SND1: variants seen among roughly 807,000 people sequenced by gnomAD.
The protein encoded by SND1 is staphylococcal nuclease domain-containing protein 1.
SND1 carries 38 observed loss-of-function variants against 121.7 expected under a neutral mutation model. The observed-to-expected ratio is 0.31, with a 90% CI of 0.24 to 0.41. The LOEUF is 0.41. SND1 is among the 10% of genes least tolerant of loss of function. The pLI, the probability that SND1 is intolerant of heterozygous loss-of-function variation, is 1.00. For synonymous variants in SND1, 401 were observed against 447.4 expected (o/e 0.90, Z 1.31); for missense variants, 868 against 1,184.6 (o/e 0.73, Z 3.92).
At chr7:128,084,267 G>A (rs753039594) in intron 18 of SND1, among the ~76,000 whole-genome samples, 13 of 152,236 alleles carry the variant, frequency 8.5e-5, no homozygotes, top group African/African-American at 2.9e-4. Flanking sequence ...GTAGACAGTG[G>A]CTTCTGTCAG....
At chr7:128,053,506 T>A (rs78944693) in intron 16 of SND1, among the ~76,000 whole-genome samples, 12,897 of 152,054 alleles carry the variant, frequency 0.085, 955 homozygotes, top group African/African-American at 0.2. Flanking sequence ...CGGAAGGTAA[T>A]ATTTTCCCCC....
intron 1 of SND1, among the ~76,000 whole-genome samples, chr7:127,677,837 A>C (rs1795642356): frequency 6.6e-6 from 1 of 152,260 alleles, no homozygotes; most frequent in Non-Finnish European, 1.5e-5. Flanking sequence ...AACAGGCAGT[A>C]GGCTGGATTT....
At chr7:127,833,885 C>G (rs1349200879) in intron 11 of SND1, among the ~76,000 whole-genome samples, 1 of 152,170 alleles carries the variant, frequency 6.6e-6, no homozygotes, top group Non-Finnish European at 1.5e-5. Context: ...CCCTGTCAAC[C>G]ATGTTCCTAT....
chr7:127,898,890 G>A (rs1185555006), intron 13 of SND1, among the ~76,000 whole-genome samples: 1 of 152,118 alleles, frequency 6.6e-6, no homozygotes, highest in Non-Finnish European at 1.5e-5. Context: ...TCAGAGGCCA[G>A]TCTTTAGCTG....
chr7:127,796,166 T>G (rs142917603), intron 10 of SND1, among the ~76,000 whole-genome samples: 1 of 152,030 alleles, frequency 6.6e-6, no homozygotes, highest in Non-Finnish European at 1.5e-5. Flanking sequence ...TTATCTAGTA[T>G]AGTATAAAAT....
intron 12 of SND1, among the ~76,000 whole-genome samples, chr7:127,855,884 A>G (rs1034593573): frequency 1.3e-5 from 2 of 152,240 alleles, no homozygotes; most frequent in African/African-American, 2.4e-5. Flanking sequence ...GGATGAATTT[A>G]GTAAGTAGTA....
intron 1 of SND1, among the ~76,000 whole-genome samples, chr7:127,677,515 C>T (rs1795636683): frequency 6.6e-6 from 1 of 152,182 alleles, no homozygotes; most frequent in South Asian, 2.1e-4. Flanking sequence ...AACTAGTTTT[C>T]ATCTCACTCG....
intron 12 of SND1, among the ~76,000 whole-genome samples, chr7:127,875,747 G>T (rs902592730): frequency 5.3e-5 from 8 of 152,120 alleles, no homozygotes; most frequent in African/African-American, 1.9e-4. Context: ...GTTCCATGGT[G>T]GACATCCTGT....
intron 16 of SND1, among the ~76,000 whole-genome samples, chr7:128,008,701 T>TG (rs1002260255): frequency 3.9e-5 from 6 of 152,184 alleles, no homozygotes; most frequent in Non-Finnish European, 8.8e-5. Flanking sequence ...ATGAGGCTGA[T>TG]GCAGGACTCA....
chr7:127,768,957 C>T lies in SND1; in HGVS notation c.1153-38527C>T, dbSNP rs138903611. On this transcript the variant is annotated intron_variant, in intron 10 of 23. Transcript: ENST00000354725. Reference sequence around the variant, plus strand: ...CATCAATATTTAAAGTTATTTCCCACCTCCCTGACTCCTCTCCTACCTTCT... The same window carrying T: ...CATCAATATTTAAAGTTATTTCCCATCTCCCTGACTCCTCTCCTACCTTCT... Among the ~76,000 whole-genome samples the T allele has an allele frequency of 1.9e-3, 296 of 152,290 alleles. 2 individuals are homozygous for T. The highest frequency in any genetic ancestry group is 6.7e-3 in the African/African-American group (280 of 41,554).
chr7:128,091,902 C>T (rs1016499164), intron 23 of SND1, 21 bp downstream of exon 23: 1 of 1,613,908 alleles, frequency 6.2e-7, no homozygotes, highest in Non-Finnish European at 8.5e-7. Flanking sequence ...ACCTTGGGAG[C>T]CCCCAGAGGG....
intron 11 of SND1, among the ~76,000 whole-genome samples, chr7:127,808,159 GCTT>G (rs1424095528): frequency 2.2e-5 from 3 of 137,846 alleles, no homozygotes; most frequent in Non-Finnish European, 4.5e-5. Flanking sequence ...TAGCTTGATG[GCTT>G]CTTTTTTTTT....
At chr7:127,923,034 GGT>G (rs1800751645) in intron 14 of SND1, among the ~76,000 whole-genome samples, 1 of 152,154 alleles carries the variant, frequency 6.6e-6, no homozygotes, top group African/African-American at 2.4e-5. Flanking sequence ...TGTCACCCAG[GGT>G]AGAGTGTTGT....
chr7:127,871,550 G>A (rs1799586889), intron 12 of SND1, among the ~76,000 whole-genome samples: 1 of 152,100 alleles, frequency 6.6e-6, no homozygotes, highest in African/African-American at 2.4e-5. Context: ...TCATTATGTA[G>A]TGCATGACTG....
chr7:127,970,003 G>A (rs746476110), intron 15 of SND1, among the ~76,000 whole-genome samples: 4 of 152,214 alleles, frequency 2.6e-5, no homozygotes, highest in African/African-American at 2.4e-5. Flanking sequence ...GCCCTACGCA[G>A]CAGAAGGGTA....
intron 13 of SND1, among the ~76,000 whole-genome samples, chr7:127,898,763 T>C (rs1006174561): frequency 1.3e-5 from 2 of 152,164 alleles, no homozygotes; most frequent in African/African-American, 2.4e-5. Context: ...TTTACAGTGG[T>C]CAAGCTTTGC....
chr7:127,959,225 G>A (rs536930664), intron 15 of SND1, among the ~76,000 whole-genome samples: 13 of 152,258 alleles, frequency 8.5e-5, no homozygotes, highest in African/African-American at 2.2e-4. Flanking sequence ...CTAGACGTCC[G>A]CTGGCAGTCT....
At chr7:127,945,823 G>A (rs1230846366) in intron 15 of SND1, among the ~76,000 whole-genome samples, 3 of 152,202 alleles carry the variant, frequency 2.0e-5, no homozygotes, top group Non-Finnish European at 4.4e-5. Context: ...CCACAGTCCT[G>A]TGAGGCAGGC....
At chr7:127,654,994 C>G (rs576538676) in intron 1 of SND1, among the ~76,000 whole-genome samples, 1 of 152,308 alleles carries the variant, frequency 6.6e-6, no homozygotes, top group Admixed American at 6.5e-5. Flanking sequence ...AGATGGAGCT[C>G]TGTGACAGAT....
Sources: allele counts gnomAD v4.1 joint callset (sites outside exome capture counted in the v4.1 genomes callset), GRCh38; gene constraint gnomAD v4.1.1; transcripts MANE v1.5; gene names NCBI Gene and HGNC (gene_info 2026-07-23, HGNC 2026-07-21).